The following ERAP1 variants were observed in gnomAD, a reference collection of about 807,000 sequenced individuals.
The protein encoded by ERAP1 is endoplasmic reticulum aminopeptidase 1, also known as adipocyte-derived leucine aminopeptidase.
A neutral mutation model predicts 103.7 loss-of-function variants in ERAP1; 86 were observed. The observed-to-expected ratio is 0.83, with a 90% CI of 0.70 to 0.99. ERAP1 has a LOEUF of 0.99. Among genes scored for constraint, ERAP1 ranks in the 50% least tolerant of loss-of-function variants. The pLI is 0.00. For synonymous variants in ERAP1, 398 were observed against 402.4 expected (o/e 0.99, Z 0.13); for missense variants, 1,009 against 1,128.4 (o/e 0.89, Z 1.52).
At chr5:96,787,875 T>TATAG (rs1776271717) in intron 11 of ERAP1, among the ~76,000 whole-genome samples, 1 of 147,954 alleles carries the variant, frequency 6.8e-6, no homozygotes, top group African/African-American at 2.5e-5. Context: ...CATATATATA[T>TATAG]AGAGAGAGAG....
At chr5:96,815,758 TAACAGATGCAATA>T in the ERAP1 span, among the ~76,000 whole-genome samples, 1 of 152,282 alleles carries the variant, frequency 6.6e-6, no homozygotes, top group African/African-American at 2.4e-5. Context: ...AGTAATTTAT[TAACAGATGCAATA>T]AGTAAATTGA....
At chr5:96,935,206 C>T in the ERAP1 span, 3 of 152,240 alleles carry the variant, frequency 2.0e-5, no homozygotes, top group Admixed American at 6.5e-5. Flanking sequence ...ACAGGCGGGC[C>T]TTCTGCCCAC....
the ERAP1 span, among the ~76,000 whole-genome samples, chr5:96,832,175 T>A: frequency 6.6e-6 from 1 of 152,158 alleles, no homozygotes; most frequent in East Asian, 1.9e-4. Context: ...AGAAACAGAC[T>A]CACTATATTA....
At chr5:96,796,292 G>A (rs1216584408) in intron 4 of ERAP1, among the ~76,000 whole-genome samples, 1 of 152,186 alleles carries the variant, frequency 6.6e-6, no homozygotes, top group Non-Finnish European at 1.5e-5. Flanking sequence ...TTTGCATTCT[G>A]AGCTACGGCA....
chr5:96,795,685 A>G (rs558231199), intron 4 of ERAP1, among the ~76,000 whole-genome samples: 3 of 152,358 alleles, frequency 2.0e-5, no homozygotes, highest in Admixed American at 6.5e-5. Flanking sequence ...ACCCTTTCTC[A>G]AGGAAACTAC....
chr5:96,790,772 A>G (rs1459816894), intron 8 of ERAP1, 129 bp from the exon 9 acceptor site: 15 of 838,072 alleles, frequency 1.8e-5, no homozygotes, highest in Non-Finnish European at 2.5e-5. Context: ...ATGTCTGGCA[A>G]TTTGTGAAAC....
the ERAP1 span, among the ~76,000 whole-genome samples, chr5:96,890,394 G>A: frequency 6.6e-6 from 1 of 152,190 alleles, no homozygotes; most frequent in Non-Finnish European, 1.5e-5. Context: ...CTGGCAGGAG[G>A]CGGAGCTCAG....
intron 10 of ERAP1, among the ~76,000 whole-genome samples, chr5:96,789,256 T>G (rs28333): frequency 0.72 from 108,948 of 152,070 alleles, 39,580 homozygotes; most frequent in Non-Finnish European, 0.79. Context: ...GGAGTCTGAG[T>G]TGGGTGGATC....
At chr5:96,897,832 T>C in the ERAP1 span, among the ~76,000 whole-genome samples, 3 of 152,254 alleles carry the variant, frequency 2.0e-5, no homozygotes, top group African/African-American at 4.8e-5. Context: ...ATCCTTTCTT[T>C]TTTACAAGCA....
the ERAP1 span, among the ~76,000 whole-genome samples, chr5:96,830,365 C>T: frequency 1.3e-5 from 2 of 152,132 alleles, no homozygotes; most frequent in African/African-American, 4.8e-5. Context: ...GATGTGCGTA[C>T]CCAATGATTC....
intron 19 of ERAP1, among the ~76,000 whole-genome samples, chr5:96,767,047 C>G (rs76989939): frequency 6.6e-4 from 101 of 152,238 alleles, no homozygotes; most frequent in Non-Finnish European, 1.0e-3. Flanking sequence ...AAGGCCCTTG[C>G]CTTTGAAGCT....
At chr5:96,820,186 G>A in the ERAP1 span, among the ~76,000 whole-genome samples, 3 of 152,092 alleles carry the variant, frequency 2.0e-5, no homozygotes, top group East Asian at 1.9e-4. Context: ...TCATTTTACT[G>A]CATTTTATGG....
At chr5:96,884,538 T>C in the ERAP1 span, among the ~76,000 whole-genome samples, 1 of 144,610 alleles carries the variant, frequency 6.9e-6, no homozygotes, top group African/African-American at 2.6e-5. Context: ...AAATTATTAA[T>C]TGTGGTTATA....
chr5:96,762,899 A>C (rs1378630071), exon 20 of ERAP1: 2 of 441,748 alleles, frequency 4.5e-6, no homozygotes, highest in African/African-American at 4.0e-5. Context: ...GAAGAACCTC[A>C]GCATCAATAT....
chr5:96,799,342 A>G (rs573269253), intron 3 of ERAP1, among the ~76,000 whole-genome samples: 61 of 152,236 alleles, frequency 4.0e-4, no homozygotes, highest in African/African-American at 1.4e-3. Context: ...TTCTCCCCTC[A>G]GCTCAATATC....
the ERAP1 span, among the ~76,000 whole-genome samples, chr5:96,837,916 G>A: frequency 6.6e-6 from 1 of 152,050 alleles, no homozygotes; most frequent in Non-Finnish European, 1.5e-5. Flanking sequence ...CTGAAACTAC[G>A]CCATCAAGCC....
At chr5:96,886,617 A>C in the ERAP1 span, 1 of 1,457,018 alleles carries the variant, frequency 6.9e-7, no homozygotes, top group Non-Finnish European at 9.2e-7. Flanking sequence ...GAAATACTCC[A>C]GTTTTCAAGT....
intron 19 of ERAP1, chr5:96,768,075 T>C (rs1395879869): frequency 1.0e-6 from 1 of 952,714 alleles, no homozygotes; most frequent in East Asian, 2.5e-5. Context: ...TTTTATTTAT[T>C]GATTGATCTA....
chr5:96,829,143 C>A, the ERAP1 span, among the ~76,000 whole-genome samples: 7,940 of 152,276 alleles, frequency 0.052, 256 homozygotes, highest in South Asian at 0.11. Flanking sequence ...ATCACGTCAG[C>A]CTATGACATT....
Sources: gnomAD v4.1 joint callset for allele counts (sites outside exome capture counted in the v4.1 genomes callset) on GRCh38, gnomAD v4.1.1 for gene constraint, MANE v1.5 for transcripts, NCBI Gene and HGNC (gene_info 2026-07-23, HGNC 2026-07-21) for gene names.